Variants in SEPTIN9 observed in about 807,000 individuals in gnomAD.
SEPTIN9 encodes septin 9.
In SEPTIN9, 13 loss-of-function variants were observed where a neutral mutation model predicts 56.6. That is an observed-to-expected ratio of 0.23 (90% confidence interval 0.15 to 0.37). The LOEUF is 0.37. Ranked by LOEUF, SEPTIN9 falls within the 10% of genes least tolerant of loss-of-function variation. The pLI is 1.00. For missense variants in SEPTIN9, 650 were observed against 823.1 expected (o/e 0.79, Z 2.57); for synonymous variants, 332 against 334.1 (o/e 0.99, Z 0.07).
chr17:77,305,199 C>G (rs2032212522), intron 1 of SEPTIN9, among the ~76,000 whole-genome samples: 1 of 152,058 alleles, frequency 6.6e-6, no homozygotes, highest in African/African-American at 2.4e-5. Flanking sequence ...GAGTGGGCAC[C>G]AAGAGGAGGA....
intron 2 of SEPTIN9, among the ~76,000 whole-genome samples, chr17:77,340,729 T>C (rs1051079100): frequency 6.6e-6 from 1 of 152,228 alleles, no homozygotes; most frequent in African/African-American, 2.4e-5. Context: ...AGGTGGGACA[T>C]CTATGCTGAA....
rs369056700 is a variant in SEPTIN9 at position 77,347,717 on chromosome 17, C to T, written c.76+40520C>T. Among the ~76,000 whole-genome samples the T allele has an allele frequency of 5.9e-4, 89 of 152,028 alleles. 1 individual carries two copies. Among genetic ancestry groups the T allele is most frequent in the South Asian group, 5.2e-3 (25 of 4,792 alleles). On this transcript the variant is annotated intron_variant, in intron 2 of 11. Transcript: ENST00000427177. ...TTTTTCAACTTTACCATGGTGCGAA[C>T]GTGGTATGTATACAGTAGAAACTGT...
At chr17:77,365,226 A>G (rs915357777) in intron 2 of SEPTIN9, among the ~76,000 whole-genome samples, 1 of 152,172 alleles carries the variant, frequency 6.6e-6, no homozygotes, top group African/African-American at 2.4e-5. Context: ...GCGCTCCTGT[A>G]GAAATCCATC....
At chr17:77,335,530 A>G (rs910167821) in intron 2 of SEPTIN9, among the ~76,000 whole-genome samples, 2 of 150,584 alleles carry the variant, frequency 1.3e-5, no homozygotes, top group Non-Finnish European at 3.0e-5. Flanking sequence ...ATATTAGTAT[A>G]TGTACATATA....
rs56364392 is a variant in SEPTIN9 at position 77,456,200 on chromosome 17, T to C, written c.722-25944T>C. Among the ~76,000 whole-genome samples the C allele has an allele frequency of 0.2, 4,191 of 21,400 alleles. 96 individuals are homozygous for C. The highest frequency in any genetic ancestry group is 0.3 in the African/African-American group (2,250 of 7,574). The allele number at this position is 21,400 out of a possible 152,430, so 14.0% of individuals were successfully genotyped here. ...TGCTGTCTGTAGCTGGGGGGCCGGGTGGGTGGGAGCCGAGGCCAGGGAGAA... is the reference window on the plus strand; with the variant it reads ...TGCTGTCTGTAGCTGGGGGGCCGGGCGGGTGGGAGCCGAGGCCAGGGAGAA... On this transcript the variant is annotated intron_variant, in intron 3 of 11. Transcript: ENST00000427177. The surrounding 1 kb of genome is among the most constrained non-coding windows in gnomAD (Gnocchi z 6.0).
At chr17:77,380,609 C>T (rs1033375050) in intron 2 of SEPTIN9, among the ~76,000 whole-genome samples, 3 of 152,260 alleles carry the variant, frequency 2.0e-5, no homozygotes, top group Admixed American at 6.5e-5. Flanking sequence ...TGGATGTGGG[C>T]GATGGAGCCT....
chr17:77,289,119 C>A (rs534118858), intron 1 of SEPTIN9, among the ~76,000 whole-genome samples: 3 of 152,078 alleles, frequency 2.0e-5, no homozygotes, highest in Non-Finnish European at 4.4e-5. Flanking sequence ...GTTTTTGAGA[C>A]GGAGTCTCAC....
At chr17:77,416,810 C>T (rs2144188646) in intron 3 of SEPTIN9, among the ~76,000 whole-genome samples, 1 of 152,286 alleles carries the variant, frequency 6.6e-6, no homozygotes, top group African/African-American at 2.4e-5. Context: ...CTCTGACACT[C>T]CCAGTCACCT....
chr17:77,356,151 G>T (rs1470889564), intron 2 of SEPTIN9, among the ~76,000 whole-genome samples: 2 of 152,110 alleles, frequency 1.3e-5, no homozygotes, highest in Non-Finnish European at 2.9e-5. Context: ...CTCAGGGAAA[G>T]TCACGTTTGG....
rs2038066202 is a variant in SEPTIN9 at position 77,453,569 on chromosome 17, C to T, written c.722-28575C>T. Among the ~76,000 whole-genome samples the T allele has an allele frequency of 6.6e-6, 1 of 150,450 alleles. No individual in the cohort carries two copies. The highest frequency in any genetic ancestry group is 1.5e-5 in the Non-Finnish European group (1 of 67,832). On this transcript the variant is annotated intron_variant, in intron 3 of 11. Transcript: ENST00000427177. This position sits in a 1 kb window ranked among gnomAD's most constrained non-coding sequence, Gnocchi z 4.4. ...GCAGTGAGCTGAGATTGTGCTACTG[C>T]ACTCCAGTCTGGGCAACAAGAGTGA...
At chr17:77,396,629 G>A (rs1431254062) in intron 2 of SEPTIN9, among the ~76,000 whole-genome samples, 3 of 152,148 alleles carry the variant, frequency 2.0e-5, no homozygotes, top group African/African-American at 4.8e-5. Context: ...GACCCAGGGC[G>A]CAGTCTTAGG....
intron 3 of SEPTIN9, among the ~76,000 whole-genome samples, chr17:77,473,796 G>T (rs1030378335): frequency 1.6e-4 from 25 of 152,206 alleles, no homozygotes; most frequent in African/African-American, 5.8e-4. Flanking sequence ...TCTCAAGCCT[G>T]TAGTGTCATC....
chr17:77,443,216 G>A (rs1050189918), intron 3 of SEPTIN9, among the ~76,000 whole-genome samples: 3 of 152,118 alleles, frequency 2.0e-5, no homozygotes, highest in African/African-American at 2.4e-5. Flanking sequence ...GAGGATCCTG[G>A]TTTTGTATCA....
rs534600071 is a variant in SEPTIN9 at position 77,437,081 on chromosome 17, G to C, written c.721+34378G>C. On this transcript the variant is annotated intron_variant, in intron 3 of 11. Transcript: ENST00000427177. The surrounding 1 kb of genome is among the most constrained non-coding windows in gnomAD (Gnocchi z 5.3). Reference sequence around the variant, plus strand: ...ACAGCCTAGCCAGGCCCAGGGCGCCGACCTCCTGCTCTGCCTTCCCGTGCC... The same window carrying C: ...ACAGCCTAGCCAGGCCCAGGGCGCCCACCTCCTGCTCTGCCTTCCCGTGCC... Among the ~76,000 whole-genome samples, 8 of 152,310 alleles carry C rather than the reference G, an allele frequency of 5.3e-5. 1 individual carries two copies. The highest frequency in any genetic ancestry group is 1.7e-4 in the African/African-American group (7 of 41,566).
At chr17:77,398,998 C>A (rs529837871) in intron 2 of SEPTIN9, among the ~76,000 whole-genome samples, 3 of 152,144 alleles carry the variant, frequency 2.0e-5, no homozygotes, top group Non-Finnish European at 2.9e-5. Context: ...GGTTGGGGAC[C>A]GGCACACATG....
At chr17:77,382,218 A>G (rs570922997) in intron 2 of SEPTIN9, among the ~76,000 whole-genome samples, 1 of 152,000 alleles carries the variant, frequency 6.6e-6, no homozygotes, top group African/African-American at 2.4e-5. Flanking sequence ...TAGTAGAGAC[A>G]AGGTTTCATC....
intron 3 of SEPTIN9, among the ~76,000 whole-genome samples, chr17:77,422,029 AT>A (rs34662347): frequency 0.67 from 101,703 of 151,504 alleles, 35,400 homozygotes; most frequent in African/African-American, 0.83. Flanking sequence ...TTTAATTTTA[AT>A]TTTTTTTTGT....
At chr17:77,387,180 G>A (rs998447554) in intron 2 of SEPTIN9, among the ~76,000 whole-genome samples, 2 of 152,330 alleles carry the variant, frequency 1.3e-5, no homozygotes, top group South Asian at 2.1e-4. Context: ...TCAAGGTGTC[G>A]ACCAGGCTGA....
At chr17:77,385,470 C>T (rs756971129) in intron 2 of SEPTIN9, among the ~76,000 whole-genome samples, 11 of 152,140 alleles carry the variant, frequency 7.2e-5, no homozygotes, top group Admixed American at 6.5e-5. Context: ...CCATCCATCT[C>T]GGCCTCCCAA....
Sources: gnomAD v4.1 joint callset for allele counts (sites outside exome capture counted in the v4.1 genomes callset) on GRCh38, gnomAD v4.1.1 for gene constraint, Gnocchi (gnomAD v3.1) non-coding constraint, MANE v1.5 for transcripts, NCBI Gene and HGNC (gene_info 2026-07-23, HGNC 2026-07-21) for gene names.